EEFSEC: variants seen among roughly 807,000 people sequenced by gnomAD.
The protein encoded by EEFSEC is eukaryotic elongation factor, selenocysteine-tRNA specific.
A neutral mutation model predicts 42.1 loss-of-function variants in EEFSEC; 43 were observed. That is an observed-to-expected ratio of 1.02 (90% confidence interval 0.80 to 1.32). The LOEUF (loss-of-function observed/expected upper bound fraction) is 1.32. Among genes scored for constraint, EEFSEC ranks in the 40% most tolerant of loss-of-function variants. The pLI is 0.00. For missense variants in EEFSEC, 745 were observed against 803.6 expected (o/e 0.93, Z 0.88); for synonymous variants, 354 against 339.1 (o/e 1.04, Z -0.48).
intron 1 of EEFSEC, among the ~76,000 whole-genome samples, chr3:128,187,448 C>G (rs115624677): frequency 2.2e-4 from 34 of 152,296 alleles, no homozygotes; most frequent in African/African-American, 7.9e-4. Flanking sequence ...TGTAAACCCT[C>G]CTTTTTGTTT....
chr3:128,359,968 GC>G (rs1265098964), intron 6 of EEFSEC, among the ~76,000 whole-genome samples: 1 of 152,138 alleles, frequency 6.6e-6, no homozygotes, highest in Non-Finnish European at 1.5e-5. Context: ...TCCTTCCACT[GC>G]CCAGAGATAG....
chr3:128,415,952 G>A, the EEFSEC span, among the ~76,000 whole-genome samples: 1 of 152,234 alleles, frequency 6.6e-6, no homozygotes, highest in East Asian at 1.9e-4. Flanking sequence ...GCCAGCTGAT[G>A]CCTGTGGGAA....
intron 2 of EEFSEC, among the ~76,000 whole-genome samples, chr3:128,259,727 A>G (rs1387946340): frequency 6.6e-6 from 1 of 152,234 alleles, no homozygotes; most frequent in Non-Finnish European, 1.5e-5. Context: ...GGTATTTCAT[A>G]TAAATGGAAT....
At chr3:128,366,415 G>A (rs1427831819) in intron 6 of EEFSEC, among the ~76,000 whole-genome samples, 5 of 152,246 alleles carry the variant, frequency 3.3e-5, no homozygotes, top group Non-Finnish European at 5.9e-5. Context: ...CCCTTGTGTA[G>A]TCTGACCACT....
At chr3:128,388,060 G>A (rs571519937) in intron 6 of EEFSEC, among the ~76,000 whole-genome samples, 5 of 152,322 alleles carry the variant, frequency 3.3e-5, no homozygotes, top group African/African-American at 1.2e-4. Context: ...GGGTTGCCCT[G>A]TCCAGAGCCT....
At chr3:128,154,873 A>G (rs1443682113) in intron 1 of EEFSEC, among the ~76,000 whole-genome samples, 1 of 152,238 alleles carries the variant, frequency 6.6e-6, no homozygotes, top group Non-Finnish European at 1.5e-5. Flanking sequence ...TATATGTAGG[A>G]TAATAGATAA....
chr3:128,261,951 C>G (rs2066301217), intron 2 of EEFSEC, among the ~76,000 whole-genome samples, 177 bp from the exon 3 acceptor site: 1 of 152,130 alleles, frequency 6.6e-6, no homozygotes, highest in South Asian at 2.1e-4. Flanking sequence ...AATTTGGGGC[C>G]TCCATTGCAT....
intron 6 of EEFSEC, among the ~76,000 whole-genome samples, chr3:128,386,937 T>G (rs56003337): frequency 0.074 from 11,191 of 152,222 alleles, 856 homozygotes; most frequent in African/African-American, 0.2. Context: ...CATGATATTT[T>G]GAGGGGACAG....
chr3:128,419,367 G>A, the EEFSEC span, among the ~76,000 whole-genome samples: 1 of 152,246 alleles, frequency 6.6e-6, no homozygotes, highest in Non-Finnish European at 1.5e-5. Flanking sequence ...TGAGTGTCCT[G>A]TGGATAAATC....
chr3:128,310,709 C>T (rs911906238), intron 4 of EEFSEC, among the ~76,000 whole-genome samples: 1 of 152,252 alleles, frequency 6.6e-6, no homozygotes, highest in East Asian at 1.9e-4. Context: ...TTGCATTCTA[C>T]TCCAATTTTT....
chr3:128,369,335 C>T (rs935019357), intron 6 of EEFSEC, among the ~76,000 whole-genome samples: 3 of 152,192 alleles, frequency 2.0e-5, no homozygotes, highest in Non-Finnish European at 4.4e-5. Context: ...GGCTGTGAGG[C>T]TGTGTGTTCC....
chr3:128,227,590 T>C (rs1253496717), intron 1 of EEFSEC, among the ~76,000 whole-genome samples: 1 of 152,174 alleles, frequency 6.6e-6, no homozygotes, highest in African/African-American at 2.4e-5. Context: ...ACTGTTGTTT[T>C]TTGGAACCCA....
At chr3:128,426,139 T>C in the EEFSEC span, among the ~76,000 whole-genome samples, 1 of 152,152 alleles carries the variant, frequency 6.6e-6, no homozygotes, top group African/African-American at 2.4e-5. Flanking sequence ...TTGTCACCTG[T>C]CTCGCTGCAC....
chr3:128,159,932 T>C (rs1438401567), intron 1 of EEFSEC, among the ~76,000 whole-genome samples: 1 of 152,270 alleles, frequency 6.6e-6, no homozygotes, highest in Admixed American at 6.5e-5. Flanking sequence ...ATCTGTCCTC[T>C]GCTAGAATGT....
At chr3:128,332,743 G>A (rs1303339106) in intron 4 of EEFSEC, among the ~76,000 whole-genome samples, 18 of 152,224 alleles carry the variant, frequency 1.2e-4, no homozygotes, top group Non-Finnish European at 2.9e-5. Context: ...AACCTGCAGG[G>A]GCAGCGCTGG....
At position 128,246,932 on chromosome 3, in the gene EEFSEC, G is replaced by T. The variant is rs1394131444; in HGVS notation, c.413G>T (p.Cys138Phe). 8 of 1,614,088 alleles carry T rather than the reference G, an allele frequency of 5.0e-6. No homozygotes were observed. The Admixed American group carries it at 1.0e-4, about 20-fold the overall frequency. The change falls in exon 2 of 7, where the codon TGC becomes TTC. Residue 138 changes from cysteine (C) to phenylalanine (F), a missense_variant. Coordinates refer to ENST00000254730, the MANE Select transcript of EEFSEC (RefSeq NM_021937.5). ...AECLVIGQIA[C>F]QKLVVVLNKI... ...TGCCTTGTGATCGGCCAGATTGCCT[G>T]CCAGAAGCTGGTCGTGGTGCTGAAC...
intron 4 of EEFSEC, among the ~76,000 whole-genome samples, chr3:128,284,579 C>T (rs141729641): frequency 6.6e-6 from 1 of 152,224 alleles, no homozygotes; most frequent in East Asian, 1.9e-4. Flanking sequence ...CTCAGGGTTA[C>T]CTGATGAGGG....
chr3:128,193,312 A>G (rs2065547043), intron 1 of EEFSEC, among the ~76,000 whole-genome samples: 1 of 152,186 alleles, frequency 6.6e-6, no homozygotes, highest in African/African-American at 2.4e-5. Context: ...CCTCCAAGGG[A>G]GGCAGAGGAG....
At chr3:128,352,678 G>A (rs4857842) in intron 5 of EEFSEC, among the ~76,000 whole-genome samples, 1,966 of 152,346 alleles carry the variant, frequency 0.013, 28 homozygotes, top group Middle Eastern at 0.037. Flanking sequence ...GTCCTGTGTG[G>A]TGTGTCTGAG....
Sources: gnomAD v4.1 joint callset for allele counts (sites outside exome capture counted in the v4.1 genomes callset) on GRCh38, gnomAD v4.1.1 for gene constraint, MANE v1.5 for transcripts, NCBI Gene and HGNC (gene_info 2026-07-23, HGNC 2026-07-21) for gene names.